Variants in CTNNA3 observed in about 807,000 individuals in gnomAD.
CTNNA3 encodes the protein catenin alpha 3.
In CTNNA3, 76 loss-of-function variants were observed where a neutral mutation model predicts 95.7. That is an observed-to-expected ratio of 0.79 (90% CI 0.66 to 0.96). The LOEUF is 0.96. Among genes scored for constraint, CTNNA3 ranks in the 40% least tolerant of loss-of-function variants. CTNNA3 has a pLI of 0.00. For missense variants in CTNNA3, 1,191 were observed against 1,089.8 expected, an observed-to-expected ratio of 1.09 and a Z score of -1.31; for synonymous variants, 431 against 374.4, an observed-to-expected ratio of 1.15 and a Z score of -1.74.
chr10:66,904,339 T>G (rs1845892243), intron 7 of CTNNA3, among the ~76,000 whole-genome samples: 2 of 152,182 alleles, frequency 1.3e-5, no homozygotes, highest in African/African-American at 4.8e-5. Context: ...ACTGGATCCC[T>G]TCCTTACATC....
intron 11 of CTNNA3, among the ~76,000 whole-genome samples, chr10:66,453,524 T>C (rs1041821093): frequency 5.3e-5 from 8 of 152,206 alleles, no homozygotes; most frequent in Non-Finnish European, 7.3e-5. Context: ...AAAGAAGTGC[T>C]AGGGAAAATG....
At chr10:67,086,078 A>G (rs1857292801) in intron 7 of CTNNA3, among the ~76,000 whole-genome samples, 1 of 152,032 alleles carries the variant, frequency 6.6e-6, no homozygotes, top group African/African-American at 2.4e-5. Context: ...ATATTCAATA[A>G]TGATGGATGG....
intron 3 of CTNNA3, among the ~76,000 whole-genome samples, chr10:67,574,405 T>C (rs912692295): frequency 6.6e-6 from 1 of 152,096 alleles, no homozygotes; most frequent in Non-Finnish European, 1.5e-5. Flanking sequence ...TGTTTTATTA[T>C]TATCCCTCTG....
chr10:67,291,002 T>C (rs767916523), intron 5 of CTNNA3, among the ~76,000 whole-genome samples: 3 of 152,110 alleles, frequency 2.0e-5, no homozygotes, highest in East Asian at 1.9e-4. Flanking sequence ...TAATAGGTGA[T>C]GTTACAGATG....
intron 1 of CTNNA3, among the ~76,000 whole-genome samples, chr10:67,727,083 TGATATAATTA>T: frequency 9.1e-6 from 1 of 109,782 alleles, no homozygotes; most frequent in Admixed American, 1.1e-4. Context: ...GATACATATA[TGATATAATTA>T]TATATAATAT....
intron 2 of CTNNA3, among the ~76,000 whole-genome samples, chr10:67,630,527 G>A (rs781384587): frequency 1.3e-5 from 2 of 152,100 alleles, no homozygotes; most frequent in Non-Finnish European, 2.9e-5. Flanking sequence ...TCTGAGATTT[G>A]GGGGTTGTCT....
rs181306006 is a variant in CTNNA3, at chr10:67,356,947, G to A, written c.580-137077C>T. Among the ~76,000 whole-genome samples the A allele has an allele frequency of 1.2e-4, 18 of 152,140 alleles. No individual in the cohort carries two copies. In the East Asian group the frequency reaches 3.5e-3, roughly 29 times the overall value. On this transcript the variant is annotated intron_variant, in intron 5 of 17. Coordinates refer to ENST00000433211, the MANE Select transcript of CTNNA3 (RefSeq NM_013266.4). ...TAAATTCATAATGATAATCTTCAAT[G>A]GGGCTTCAGTTCCTCCCAGTGATCT...
intron 9 of CTNNA3, among the ~76,000 whole-genome samples, chr10:66,659,179 AAAAC>A (rs1488134432): frequency 7.9e-6 from 1 of 127,316 alleles, no homozygotes. Flanking sequence ...AATAATTAAG[AAAAC>A]ACACACACAC....
intron 7 of CTNNA3, among the ~76,000 whole-genome samples, chr10:66,830,325 A>G (rs1842669902): frequency 6.6e-6 from 1 of 152,216 alleles, no homozygotes; most frequent in Non-Finnish European, 1.5e-5. Flanking sequence ...TTAAAACAGT[A>G]TTAAGATATT....
chr10:65,948,239 C>T (rs1462249824), intron 17 of CTNNA3, among the ~76,000 whole-genome samples: 1 of 148,234 alleles, frequency 6.7e-6, no homozygotes, highest in Non-Finnish European at 1.5e-5. Flanking sequence ...CGAGATCATG[C>T]CACTGCACTC....
At chr10:66,374,605 C>CTTT (rs2092779946) in intron 12 of CTNNA3, among the ~76,000 whole-genome samples, 3 of 113,480 alleles carry the variant, frequency 2.6e-5, no homozygotes, top group Admixed American at 9.6e-5. Context: ...GAAAGAAAAG[C>CTTT]CTTTTTTTTT....
At chr10:67,603,305 C>G (rs772280176) in intron 3 of CTNNA3, among the ~76,000 whole-genome samples, 19 of 152,180 alleles carry the variant, frequency 1.2e-4, no homozygotes, top group Non-Finnish European at 1.8e-4. Flanking sequence ...ACAACAGATG[C>G]GTACATGACG....
At chr10:66,283,912 G>A (rs2132168944) in intron 12 of CTNNA3, among the ~76,000 whole-genome samples, 1 of 151,914 alleles carries the variant, frequency 6.6e-6, no homozygotes. Context: ...AAATTGACAA[G>A]CCTGTCTTTA....
intron 10 of CTNNA3, among the ~76,000 whole-genome samples, chr10:66,597,522 AT>A (rs1320615115): frequency 3.4e-5 from 3 of 89,246 alleles, no homozygotes; most frequent in African/African-American, 1.3e-4. Flanking sequence ...ATATATATAT[AT>A]ATATATATAT....
chr10:67,464,341 T>A (rs1186264852), intron 5 of CTNNA3, among the ~76,000 whole-genome samples: 1 of 152,168 alleles, frequency 6.6e-6, no homozygotes, highest in African/African-American at 2.4e-5. Context: ...AAATAATAAC[T>A]CGCGAATAAA....
chr10:67,070,339 C>T (rs1333733836), intron 7 of CTNNA3, among the ~76,000 whole-genome samples: 1 of 152,140 alleles, frequency 6.6e-6, no homozygotes, highest in Non-Finnish European at 1.5e-5. Context: ...TCTTCTCCCA[C>T]TCTGTGACTG....
intron 5 of CTNNA3, among the ~76,000 whole-genome samples, chr10:67,400,540 G>T (rs1226920851): frequency 6.6e-6 from 1 of 152,172 alleles, no homozygotes; most frequent in Non-Finnish European, 1.5e-5. Context: ...GGAAGAAGAT[G>T]ATATTGAGAT....
At chr10:66,968,531 TGG>T in intron 7 of CTNNA3, among the ~76,000 whole-genome samples, 1 of 151,750 alleles carries the variant, frequency 6.6e-6, no homozygotes, top group East Asian at 1.9e-4. Flanking sequence ...TAAAAAAACG[TGG>T]TTAGAAGCGA....
intron 13 of CTNNA3, among the ~76,000 whole-genome samples, chr10:66,259,276 A>G (rs1401705772): frequency 6.6e-6 from 1 of 152,174 alleles, no homozygotes; most frequent in Non-Finnish European, 1.5e-5. Flanking sequence ...AGAAAAGGAA[A>G]AATACAACTT....
Sources: gnomAD v4.1 joint callset for allele counts (sites outside exome capture counted in the v4.1 genomes callset) on GRCh38, gnomAD v4.1.1 for gene constraint, MANE v1.5 for transcripts, NCBI Gene and HGNC (gene_info 2026-07-23, HGNC 2026-07-21) for gene names.